The following DYSF variants were observed in gnomAD, a reference collection of about 807,000 sequenced individuals.
DYSF encodes dysferlin.
In DYSF, 212 loss-of-function variants were observed where a neutral mutation model predicts 274.9. That is an observed-to-expected ratio of 0.77 (90% confidence interval 0.69 to 0.86). The LOEUF is 0.86. Ranked by LOEUF, DYSF falls within the 40% of genes least tolerant of loss-of-function variation. The probability of loss-of-function intolerance (pLI) is 0.00; values close to 1 mark genes in which losing one functional copy is unlikely to be tolerated. For synonymous variants in DYSF, 1,091 were observed against 1,078.7 expected (o/e 1.01, Z -0.22); for missense variants, 2,666 against 2,783.2 (o/e 0.96, Z 0.95).
intron 34 of DYSF, 99 bp from the exon 35 acceptor site, chr2:71,601,400 T>C: frequency 2.7e-6 from 4 of 1,509,372 alleles, no homozygotes; most frequent in Non-Finnish European, 3.7e-6. Context: ...CTGCAAACCA[T>C]GGACTGTCTG....
At chr2:71,586,114 C>T (rs781259810) in intron 30 of DYSF, among the ~76,000 whole-genome samples, 2 of 152,090 alleles carry the variant, frequency 1.3e-5, no homozygotes, top group Non-Finnish European at 2.9e-5. Flanking sequence ...GTGGCCTTCC[C>T]TCTGCTCCCA....
chr2:71,526,378 TGCAGGAG>T, intron 13 of DYSF, 32 bp downstream of exon 13: 2 of 1,306,704 alleles, frequency 1.5e-6, no homozygotes, highest in Non-Finnish European at 2.0e-6. Flanking sequence ...GTGGGAGGTC[TGCAGGAG>T]GCTGGAGGCG....
chr2:71,513,830 C>A lies in DYSF; in HGVS notation c.668C>A (p.Ser223Ter), dbSNP rs2152731856. 1.2e-6 allele frequency: 2 copies of A among 1,614,236 alleles called. No individual in the cohort carries two copies. Among genetic ancestry groups the A allele is most frequent in the Non-Finnish European group, 1.7e-6 (2 of 1,180,042 alleles). ...CCCACCACCCCAAGGAAACTACCTT[C>A]ACGTCCTCCGCCCCACTACCCCGGG... is the stretch of plus-strand genomic sequence containing the variant. ...GAPTTPRKLP[S>*]RPPPHYPGIK... The change falls in exon 7 of 56, where the codon TCA becomes TAA. Residue 223 changes from serine to a stop codon, truncating the protein, a stop_gained. Coordinates refer to ENST00000410020, the MANE Select transcript of DYSF (RefSeq NM_001130987.2). LOFTEE classifies it high-confidence loss of function.
At chr2:71,480,997 C>A in intron 2 of DYSF, 59 bp downstream of exon 2, 3 of 1,540,004 alleles carry the variant, frequency 1.9e-6, no homozygotes, top group Non-Finnish European at 2.7e-6. Flanking sequence ...TCTGCAGGGA[C>A]AAGTTAGGGG....
At chr2:71,633,402 C>T (rs879112828) in intron 41 of DYSF, among the ~76,000 whole-genome samples, 2 of 152,130 alleles carry the variant, frequency 1.3e-5, no homozygotes, top group Admixed American at 6.5e-5. Flanking sequence ...ACCTTTGTAC[C>T]GTGATTCCAG....
chr2:71,567,107 T>C (rs1179911855), intron 24 of DYSF, among the ~76,000 whole-genome samples: 1 of 152,264 alleles, frequency 6.6e-6, no homozygotes, highest in Non-Finnish European at 1.5e-5. Flanking sequence ...CTTCTGCTCC[T>C]CAGGCCATGT....
intron 51 of DYSF, 133 bp downstream of exon 51, chr2:71,669,879 A>G (rs1466674260): frequency 8.3e-6 from 10 of 1,202,652 alleles, no homozygotes; most frequent in Non-Finnish European, 1.1e-5. Flanking sequence ...TACCACTGCC[A>G]TCTCCACATG....
At chr2:71,578,563 A>G (rs1277208854) in intron 30 of DYSF, among the ~76,000 whole-genome samples, 1 of 152,144 alleles carries the variant, frequency 6.6e-6, no homozygotes, top group Non-Finnish European at 1.5e-5. Flanking sequence ...GTAGAATAAG[A>G]GTCATTCCAG....
intron 40 of DYSF, among the ~76,000 whole-genome samples, chr2:71,618,279 G>T (rs1574392950): frequency 2.5e-5 from 1 of 39,572 alleles, no homozygotes; most frequent in African/African-American, 7.2e-5. Context: ...GTGTGTGTGT[G>T]GTAGAGGTGT....
chr2:71,585,646 C>T (rs1446503541), intron 30 of DYSF, among the ~76,000 whole-genome samples: 1 of 152,172 alleles, frequency 6.6e-6, no homozygotes, highest in Non-Finnish European at 1.5e-5. Flanking sequence ...ATCTGCCCTC[C>T]TCAAGGCCGA....
At chr2:71,469,918 CT>C (rs2081851771) in intron 1 of DYSF, among the ~76,000 whole-genome samples, 1 of 152,132 alleles carries the variant, frequency 6.6e-6, no homozygotes, top group Non-Finnish European at 1.5e-5. Context: ...ATTTATATCC[CT>C]CTATTCATGC....
At chr2:71,612,306 G>T (rs200587728) in intron 38 of DYSF, among the ~76,000 whole-genome samples, 1 of 152,172 alleles carries the variant, frequency 6.6e-6, no homozygotes, top group East Asian at 1.9e-4. Flanking sequence ...CACTTGGGGG[G>T]ACTGTCTGTA....
chr2:71,456,166 C>T (rs891719653), intron 1 of DYSF, among the ~76,000 whole-genome samples: 1 of 152,064 alleles, frequency 6.6e-6, no homozygotes, highest in African/African-American at 2.4e-5. Context: ...GTAGGCTCCC[C>T]CTTTCCAGGG....
At chr2:71,651,196 G>GA (rs1558728281) in intron 42 of DYSF, among the ~76,000 whole-genome samples, 1 of 151,432 alleles carries the variant, frequency 6.6e-6, no homozygotes, top group African/African-American at 2.4e-5. Context: ...AGGAAAAGCA[G>GA]AAAAAATTAG....
chr2:71,488,647 A>G (rs2083553479), intron 3 of DYSF, among the ~76,000 whole-genome samples: 1 of 152,206 alleles, frequency 6.6e-6, no homozygotes, highest in Admixed American at 6.5e-5. Context: ...TCTACCCTCC[A>G]GCCTGACCGT....
At chr2:71,525,426 T>G (rs1025678896) in intron 12 of DYSF, among the ~76,000 whole-genome samples, 2 of 152,066 alleles carry the variant, frequency 1.3e-5, no homozygotes, top group African/African-American at 4.8e-5. Flanking sequence ...GGTTTCCCCA[T>G]GTTAGCGAGC....
At chr2:71,516,896 G>C (rs2086712653) in intron 9 of DYSF, 93 bp from the exon 10 acceptor site, 6 of 1,126,436 alleles carry the variant, frequency 5.3e-6, no homozygotes, top group Non-Finnish European at 8.2e-6. Flanking sequence ...GTGAAGTGTT[G>C]GCAGTTATTG....
intron 40 of DYSF, among the ~76,000 whole-genome samples, chr2:71,617,873 A>G (rs1574386172): frequency 3.2e-5 from 1 of 30,794 alleles, no homozygotes; most frequent in Non-Finnish European, 7.6e-5. Flanking sequence ...TGTGTGGTAG[A>G]GGTGGGGTGT....
At chr2:71,504,081 G>C (rs2085247422) in intron 4 of DYSF, among the ~76,000 whole-genome samples, 1 of 152,196 alleles carries the variant, frequency 6.6e-6, no homozygotes, top group African/African-American at 2.4e-5. Context: ...TGAGGCCGGG[G>C]CTCCTGGCTG....
Sources: allele counts gnomAD v4.1 joint callset (sites outside exome capture counted in the v4.1 genomes callset), GRCh38; gene constraint gnomAD v4.1.1; transcripts MANE v1.5; gene names NCBI Gene and HGNC (gene_info 2026-07-23, HGNC 2026-07-21).